FBLN7: variants seen among roughly 807,000 people sequenced by gnomAD.
The protein encoded by FBLN7 is fibulin 7.
A neutral mutation model predicts 44.0 loss-of-function variants in FBLN7; 31 were observed. The observed-to-expected ratio is 0.70, with a 90% CI of 0.53 to 0.95. The LOEUF is 0.95. Among genes scored for constraint, FBLN7 ranks in the 40% least tolerant of loss-of-function variants. The probability of loss-of-function intolerance (pLI) is 0.00; values close to 1 mark genes in which losing one functional copy is unlikely to be tolerated. For synonymous variants in FBLN7, 262 were observed against 253.4 expected, an observed-to-expected ratio of 1.03 and a Z score of -0.32; for missense variants, 573 against 618.5, an observed-to-expected ratio of 0.93 and a Z score of 0.78.
At chr2:112,145,337 T>C (rs1486790955) in intron 1 of FBLN7, among the ~76,000 whole-genome samples, 3 of 152,220 alleles carry the variant, frequency 2.0e-5, no homozygotes, top group Non-Finnish European at 1.5e-5. Flanking sequence ...GGTCTTTCTA[T>C]GTTGCCCAGG....
the FBLN7 span, among the ~76,000 whole-genome samples, chr2:112,221,553 A>T: frequency 6.6e-6 from 1 of 152,242 alleles, no homozygotes; most frequent in Admixed American, 6.5e-5. Flanking sequence ...ACGAACTAAT[A>T]CAGTCTTCTT....
Position 112,187,091 on chromosome 2 carries a change from A to T in FBLN7, c.948-43A>T. On this transcript the variant is annotated intron_variant, in intron 7 of 7. Transcript: ENST00000331203. The surrounding 1 kb of genome is among the most constrained non-coding windows in gnomAD (Gnocchi z 5.1). ...CCGGGTCAGAGCAGCTCTTCATGAG[A>T]CTCCCCAAGGCTGACTGCCTCCATT... The T allele has an allele frequency of 6.3e-7, 1 of 1,593,126 alleles. No homozygotes were observed.
rs200351519 is a variant in FBLN7 at position 112,174,919 on chromosome 2, TA to T, written c.407-787del. The stretch of plus-strand genomic sequence containing the variant: ...TTAAAACAATCATTTTTTTTCTAAT[TA>T]AAAAAAATGTATACATGATTATTAT... On this transcript the variant is annotated intron_variant, in intron 3 of 7. Coordinates refer to ENST00000331203, the MANE Select transcript of FBLN7 (RefSeq NM_153214.3). 6.6e-5 allele frequency among the ~76,000 whole-genome samples: 10 copies of T among 151,736 alleles called. No individual in the cohort carries two copies. The East Asian group carries it at 7.7e-4, about 12-fold the overall frequency.
At position 112,187,321 on chromosome 2, in the gene FBLN7, A is replaced by G; in HGVS notation, c.1135A>G (p.Asn379Asp). 2 of 1,614,108 alleles carry G rather than the reference A, an allele frequency of 1.2e-6. No individual in the cohort carries two copies. The highest frequency in any genetic ancestry group is 1.7e-6 in the Non-Finnish European group (2 of 1,180,036). The change falls in exon 8 of 8, where the codon AAC becomes GAC. Residue 379 changes from asparagine to aspartate, a missense_variant. Asn to Asp is a conservative substitution (Grantham distance 23). Transcript: ENST00000331203. This position sits in a 1 kb window ranked among gnomAD's most constrained non-coding sequence, Gnocchi z 5.1. ...CCTGCGGTTTGGGATCGTGGGTGGG[A>G]ACAGCCGCGGCCACTTTGTGATGCA... is the stretch of plus-strand genomic sequence containing the variant. The part of the protein sequence containing the change: ...NSLRFGIVGG[N>D]SRGHFVMQRS...
chr2:112,243,707 T>C, the FBLN7 span, among the ~76,000 whole-genome samples: 3 of 152,116 alleles, frequency 2.0e-5, no homozygotes, highest in Non-Finnish European at 4.4e-5. Flanking sequence ...AATACGTACA[T>C]AACATCCTCA....
chr2:112,144,971 G>A (rs1172271579), intron 1 of FBLN7, among the ~76,000 whole-genome samples: 1 of 152,240 alleles, frequency 6.6e-6, no homozygotes, highest in East Asian at 1.9e-4. Flanking sequence ...ATACCTGGGA[G>A]TGGGATTGTT....
chr2:112,205,370 T>C, the FBLN7 span, among the ~76,000 whole-genome samples: 5 of 152,034 alleles, frequency 3.3e-5, no homozygotes, highest in Admixed American at 1.3e-4. Context: ...ATTTGGACTG[T>C]TATATATGCA....
downstream of FBLN7, among the ~76,000 whole-genome samples, chr2:112,191,714 A>G (rs72831639): frequency 0.096 from 14,686 of 152,246 alleles, 986 homozygotes; most frequent in Non-Finnish European, 0.14. Flanking sequence ...TTACTGTTGT[A>G]AAGTTACTTG....
At chr2:112,160,717 C>T (rs1348095363) in intron 2 of FBLN7, among the ~76,000 whole-genome samples, 16 of 140,454 alleles carry the variant, frequency 1.1e-4, no homozygotes, top group Admixed American at 1.1e-3. Context: ...CACACACAAG[C>T]ACGCGCACAC....
At chr2:112,184,504 G>A (rs1033891505) in intron 6 of FBLN7, among the ~76,000 whole-genome samples, 12 of 152,024 alleles carry the variant, frequency 7.9e-5, no homozygotes, top group African/African-American at 2.9e-4. Context: ...GCCTCCAGCT[G>A]GGGAGACTCT....
chr2:112,171,904 A>G (rs10864899), intron 3 of FBLN7, among the ~76,000 whole-genome samples: 84,825 of 151,290 alleles, frequency 0.56, 24,403 homozygotes, highest in Middle Eastern at 0.74. Context: ...CCGCCACCAT[A>G]CCCGGCTAAT....
the FBLN7 span, among the ~76,000 whole-genome samples, chr2:112,238,116 A>G: frequency 6.6e-6 from 1 of 152,074 alleles, no homozygotes; most frequent in Admixed American, 6.5e-5. Context: ...TCCCTCTACA[A>G]ACTAAGCATT....
At chr2:112,220,520 G>A in the FBLN7 span, among the ~76,000 whole-genome samples, 32 of 152,226 alleles carry the variant, frequency 2.1e-4, no homozygotes, top group African/African-American at 7.7e-4. Flanking sequence ...TCTGCTGTTA[G>A]CCTAAAGACC....
intron 3 of FBLN7, among the ~76,000 whole-genome samples, chr2:112,170,456 G>A (rs1682400676): frequency 6.6e-6 from 1 of 151,586 alleles, no homozygotes; most frequent in Non-Finnish European, 1.5e-5. Context: ...GAACCCGGGA[G>A]GCAGAGATTG....
the FBLN7 span, chr2:112,231,811 C>T: frequency 1.4e-6 from 2 of 1,428,690 alleles, no homozygotes; most frequent in Non-Finnish European, 1.9e-6. Flanking sequence ...AAAGAAAAAA[C>T]AAAAGATTAT....
At chr2:112,170,776 C>T (rs1196964093) in intron 3 of FBLN7, among the ~76,000 whole-genome samples, 2 of 152,226 alleles carry the variant, frequency 1.3e-5, no homozygotes, top group African/African-American at 4.8e-5. Flanking sequence ...ACAAGTGTCG[C>T]TGCTGCATAG....
At chr2:112,221,100 T>C in the FBLN7 span, among the ~76,000 whole-genome samples, 20 of 152,366 alleles carry the variant, frequency 1.3e-4, no homozygotes, top group African/African-American at 3.8e-4. Flanking sequence ...AAATGAGTCA[T>C]AGATTTGGTC....
intron 7 of FBLN7, among the ~76,000 whole-genome samples, chr2:112,186,457 T>C (rs1683271850): frequency 6.6e-6 from 1 of 152,142 alleles, no homozygotes; most frequent in South Asian, 2.1e-4. Flanking sequence ...CTGGCCAGCA[T>C]GGTGAAACCC....
chr2:112,171,775 T>C (rs1682474280), intron 3 of FBLN7, among the ~76,000 whole-genome samples: 1 of 152,200 alleles, frequency 6.6e-6, no homozygotes, highest in African/African-American at 2.4e-5. Flanking sequence ...AAGCACTTCC[T>C]CCTAAGGGCT....
Sources: allele counts gnomAD v4.1 joint callset (sites outside exome capture counted in the v4.1 genomes callset), GRCh38; gene constraint gnomAD v4.1.1; non-coding constraint Gnocchi (gnomAD v3.1); transcripts MANE v1.5; gene names NCBI Gene and HGNC (gene_info 2026-07-23, HGNC 2026-07-21).